The following RPTOR variants were observed in gnomAD, a reference collection of about 807,000 sequenced individuals.
RPTOR encodes regulatory associated protein of MTOR complex 1, also known as regulatory-associated protein of mTOR.
A neutral mutation model predicts 169.9 loss-of-function variants in RPTOR; 21 were observed. The ratio of observed to expected loss-of-function variants is 0.12; its 90% confidence interval spans 0.09 to 0.18. The LOEUF is 0.18. RPTOR is among the 10% of genes least tolerant of loss of function. RPTOR has a pLI of 1.00. For missense variants in RPTOR, 1,133 were observed against 1,855.9 expected, an observed-to-expected ratio of 0.61 and a Z score of 7.16; for synonymous variants, 732 against 753.2, an observed-to-expected ratio of 0.97 and a Z score of 0.46.
chr17:80,706,768 G>A (rs1262574368), intron 3 of RPTOR, among the ~76,000 whole-genome samples: 1 of 152,152 alleles, frequency 6.6e-6, no homozygotes, highest in Non-Finnish European at 1.5e-5. Context: ...TAGCTCCTTG[G>A]GGTATTTACT....
chr17:80,765,211 G>A (rs1298408986), intron 6 of RPTOR, among the ~76,000 whole-genome samples: 1 of 152,128 alleles, frequency 6.6e-6, no homozygotes, highest in East Asian at 1.9e-4. Context: ...CAGTGTGGGA[G>A]GGGGCGTCCA....
rs115147648 is a variant in RPTOR, at chr17:80,638,109, C to A, written c.266-5619C>A. On this transcript the variant is annotated intron_variant, in intron 2 of 33. Coordinates refer to ENST00000306801, the MANE Select transcript of RPTOR (RefSeq NM_020761.3). The stretch of plus-strand genomic sequence containing the variant: ...TAGGATCCATGCAGTAGAACAGAGA[C>A]CAATACGAGGTCAAGCTTGAACGGC... Among the ~76,000 whole-genome samples, 428 of 152,352 alleles carry A rather than the reference C, an allele frequency of 2.8e-3. 1 individual carries two copies. Among genetic ancestry groups the A allele is most frequent in the African/African-American group, 0.01 (417 of 41,592 alleles).
Position 80,923,581 on chromosome 17 carries a change from C to T in RPTOR, c.2716C>T (p.Pro906Ser), listed in dbSNP as rs762582186. Residue 906 changes from proline (P) to serine (S), a missense_variant, in exon 23 of 34, where the codon CCG (proline) becomes TCG (serine). Physicochemically the swap from Pro to Ser is moderately conservative, Grantham distance 74 (BLOSUM62 -1). Around this residue, in one of 9 missense-constraint regions of RPTOR, gnomAD observed 123 missense variants for 129.0 expected, o/e 0.95. Transcript: ENST00000306801. The part of the protein sequence containing the change: ...PVSRDLPSGR[P>S]GTTGPAGAQY... ...CAGCCGAGACTTGCCTTCTGGCCGG[C>T]CGGGCACCACAGGCCCCGCTGGGGC... 8.7e-6 allele frequency: 14 copies of T among 1,613,412 alleles called. 1 individual carries two copies. The South Asian group carries it at 1.4e-4, about 16-fold the overall frequency.
chr17:80,827,313 A>C (rs781737144), intron 9 of RPTOR, among the ~76,000 whole-genome samples: 54 of 152,226 alleles, frequency 3.5e-4, no homozygotes, highest in Non-Finnish European at 6.9e-4. Context: ...GTGTCGCTGC[A>C]GACTTGGCAG....
chr17:80,566,368 A>G (rs566896162), intron 1 of RPTOR, among the ~76,000 whole-genome samples: 1 of 152,212 alleles, frequency 6.6e-6, no homozygotes, highest in Non-Finnish European at 1.5e-5. Context: ...AGTAAAAACA[A>G]TGCAAAACAA....
chr17:80,806,858 T>G (rs1442413987), intron 7 of RPTOR, among the ~76,000 whole-genome samples: 1 of 152,166 alleles, frequency 6.6e-6, no homozygotes, highest in East Asian at 1.9e-4. Context: ...GCCTCTTCTT[T>G]TCTTGTTGAA....
At chr17:80,786,539 G>C (rs1417613126) in intron 6 of RPTOR, among the ~76,000 whole-genome samples, 1 of 152,242 alleles carries the variant, frequency 6.6e-6, no homozygotes, top group South Asian at 2.1e-4. Context: ...CCCAGAACCA[G>C]AGTAGGTTCA....
chr17:80,644,586 G>A (rs1397663149), intron 3 of RPTOR, among the ~76,000 whole-genome samples: 1 of 152,168 alleles, frequency 6.6e-6, no homozygotes, highest in Non-Finnish European at 1.5e-5. Flanking sequence ...TGCAGGTTGA[G>A]AAGGTGCGCG....
At chr17:80,961,256 C>A in intron 30 of RPTOR, 138 bp from the exon 31 acceptor site, 1 of 718,678 alleles carries the variant, frequency 1.4e-6, no homozygotes, top group Non-Finnish European at 2.3e-6. Flanking sequence ...TGAGCACTAG[C>A]CCCTCGTGGG....
At chr17:80,903,437 C>T (rs1268640524) in intron 20 of RPTOR, among the ~76,000 whole-genome samples, 1 of 152,246 alleles carries the variant, frequency 6.6e-6, no homozygotes, top group Non-Finnish European at 1.5e-5. Context: ...CAGTGGCGGC[C>T]CCTGCACCCC....
At chr17:80,796,977 A>G (rs999951808) in intron 7 of RPTOR, among the ~76,000 whole-genome samples, 4 of 152,380 alleles carry the variant, frequency 2.6e-5, no homozygotes, top group Admixed American at 6.5e-5. Flanking sequence ...CATTAGCTCT[A>G]TTTCCAAGTG....
At chr17:80,785,649 C>G (rs947037778) in intron 6 of RPTOR, among the ~76,000 whole-genome samples, 2 of 152,164 alleles carry the variant, frequency 1.3e-5, no homozygotes, top group African/African-American at 4.8e-5. Context: ...AACTACATTG[C>G]TGGAGGAATG....
At chr17:80,723,901 T>C (rs2143171081) in intron 4 of RPTOR, among the ~76,000 whole-genome samples, 1 of 151,490 alleles carries the variant, frequency 6.6e-6, no homozygotes, top group South Asian at 2.1e-4. Flanking sequence ...TTCTCTGTAA[T>C]ACAATTTTTG....
chr17:80,669,888 C>G (rs983256206), intron 3 of RPTOR, among the ~76,000 whole-genome samples: 1 of 152,150 alleles, frequency 6.6e-6, no homozygotes, highest in Admixed American at 6.6e-5. Context: ...TCGTCACTTT[C>G]ATGTTTGATT....
At chr17:80,933,524 A>C (rs1292524271) in intron 24 of RPTOR, among the ~76,000 whole-genome samples, 10 of 152,248 alleles carry the variant, frequency 6.6e-5, no homozygotes, top group Non-Finnish European at 1.0e-4. Flanking sequence ...TCAGAAGACT[A>C]ACATTAAGTT....
rs543213934 is a variant in RPTOR, at chr17:80,959,258, C to T, written c.3478-820C>T. Among the ~76,000 whole-genome samples, 1 of 152,336 alleles carries T rather than the reference C, an allele frequency of 6.6e-6. No homozygotes were observed. The highest frequency in any genetic ancestry group is 2.1e-4 in the South Asian group (1 of 4,832). On this transcript the variant is annotated intron_variant, in intron 29 of 33. Coordinates refer to ENST00000306801, the MANE Select transcript of RPTOR (RefSeq NM_020761.3). The surrounding 1 kb of genome is among the most constrained non-coding windows in gnomAD (Gnocchi z 6.7). ...TTGCACCTGTCTGGAGCTGTGGCTC[C>T]ACACGAGACGTAGCCCTCAGGGCAC... is the stretch of plus-strand genomic sequence containing the variant.
At chr17:80,561,900 G>A (rs2084502218) in intron 1 of RPTOR, among the ~76,000 whole-genome samples, 2 of 152,180 alleles carry the variant, frequency 1.3e-5, no homozygotes. Flanking sequence ...GTGAGTCTGT[G>A]TGTATGTGTG....
chr17:80,731,436 A>G (rs1040742108), intron 5 of RPTOR, among the ~76,000 whole-genome samples: 4 of 152,174 alleles, frequency 2.6e-5, no homozygotes, highest in African/African-American at 9.6e-5. Flanking sequence ...CCACTAAGCT[A>G]AAATGATAGA....
chr17:80,953,157 A>AG (rs2069204547), intron 28 of RPTOR, among the ~76,000 whole-genome samples: 1 of 151,924 alleles, frequency 6.6e-6, no homozygotes, highest in Non-Finnish European at 1.5e-5. Flanking sequence ...GAGCCACTGC[A>AG]CCCAGCCTGT....
Sources: allele counts gnomAD v4.1 joint callset (sites outside exome capture counted in the v4.1 genomes callset), GRCh38; gene constraint gnomAD v4.1.1; regional missense constraint gnomAD v4.1.1; non-coding constraint Gnocchi (gnomAD v3.1); transcripts MANE v1.5; gene names NCBI Gene and HGNC (gene_info 2026-07-23, HGNC 2026-07-21).